The following VPS26C variants were observed in gnomAD, a reference collection of about 807,000 sequenced individuals.
VPS26C encodes the protein VPS26 endosomal protein sorting factor C.
VPS26C carries 19 observed loss-of-function variants against 30.6 expected under a neutral mutation model. The observed-to-expected ratio is 0.62, with a 90% CI of 0.43 to 0.91. The LOEUF (loss-of-function observed/expected upper bound fraction) is 0.91, where lower values mean the gene tolerates loss of function less well. VPS26C is among the 40% of genes least tolerant of loss of function. The pLI, the probability that VPS26C is intolerant of heterozygous loss-of-function variation, is 0.00. For missense variants in VPS26C, 318 were observed against 385.1 expected, an observed-to-expected ratio of 0.83 and a Z score of 1.46; for synonymous variants, 132 against 151.5, an observed-to-expected ratio of 0.87 and a Z score of 0.95.
chr21:37,244,396 C>T (rs1008628097), intron 1 of VPS26C, among the ~76,000 whole-genome samples: 2 of 152,216 alleles, frequency 1.3e-5, no homozygotes, highest in Non-Finnish European at 2.9e-5. Flanking sequence ...CACCACCACA[C>T]CCAGCTAATT....
At chr21:37,253,379 A>G (rs1397730844) in intron 1 of VPS26C, among the ~76,000 whole-genome samples, 1 of 152,228 alleles carries the variant, frequency 6.6e-6, no homozygotes. Context: ...ATGGTAAAAC[A>G]TAGCTGGTTC....
intron 1 of VPS26C, 52 bp downstream of exon 1, chr21:37,267,186 C>G (rs2086374679): frequency 7.0e-7 from 1 of 1,428,720 alleles, no homozygotes; most frequent in African/African-American, 1.4e-5. Context: ...GACAGCGGAA[C>G]CTGCAGACCC....
chr21:37,258,351 G>T (rs911395274), intron 1 of VPS26C, among the ~76,000 whole-genome samples: 1 of 133,280 alleles, frequency 7.5e-6, no homozygotes, highest in Admixed American at 7.3e-5. Flanking sequence ...CGACACAGCC[G>T]CAACCCCTCT....
intron 1 of VPS26C, among the ~76,000 whole-genome samples, chr21:37,260,053 A>C (rs1168551363): frequency 6.6e-6 from 1 of 152,230 alleles, no homozygotes; most frequent in Non-Finnish European, 1.5e-5. Context: ...ATGAGAATTA[A>C]GACCCAGAGA....
At chr21:37,247,588 A>G (rs2086150006) in intron 1 of VPS26C, among the ~76,000 whole-genome samples, 1 of 152,220 alleles carries the variant, frequency 6.6e-6, no homozygotes, top group South Asian at 2.1e-4. Context: ...CAGGAATGAC[A>G]GAATTAATGC....
intron 1 of VPS26C, among the ~76,000 whole-genome samples, chr21:37,253,935 G>A (rs1242484736): frequency 2.0e-5 from 3 of 152,110 alleles, no homozygotes; most frequent in East Asian, 3.9e-4. Context: ...CAAGCATTTC[G>A]GATAAGGACT....
In VPS26C at chr21:37,238,569, G is replaced by A. The variant is rs746453273; in HGVS notation, c.242C>T (p.Pro81Leu). The A allele has an allele frequency of 5.0e-6, 8 of 1,614,022 alleles. No homozygotes were observed. The African/African-American group carries it at 6.7e-5, about 13-fold the overall frequency. Residue 81 changes from proline (P) to leucine (L), a missense_variant, in exon 3 of 8, where the codon CCG becomes CTG. Physicochemically the swap from Pro to Leu is moderately conservative, Grantham distance 98 (BLOSUM62 -3). Coordinates refer to ENST00000309117, the MANE Select transcript of VPS26C (RefSeq NM_006052.2). ...TGTTTTGCCGCTGGGAAATTTCCCC[G>A]GCTTCACCATTTCTATGGTGCTGTT... ...IINSTIEMVK[P>L]GKFPSGKTEI...
At chr21:37,263,290 A>AT (rs2086324041) in intron 1 of VPS26C, among the ~76,000 whole-genome samples, 1 of 152,214 alleles carries the variant, frequency 6.6e-6, no homozygotes, top group African/African-American at 2.4e-5. Flanking sequence ...AGTAGAAGTC[A>AT]TATCAGTCTC....
chr21:37,243,725 C>G (rs977751475), intron 1 of VPS26C, among the ~76,000 whole-genome samples: 1 of 152,160 alleles, frequency 6.6e-6, no homozygotes, highest in African/African-American at 2.4e-5. Flanking sequence ...ACACCCCATC[C>G]GAGACTACAG....
rs148281641 is a variant in VPS26C, at chr21:37,228,280, T to G, written c.601A>C (p.Ser201Arg). The change falls in exon 6 of 8, where the codon AGC (serine) becomes CGC (arginine). Residue 201 changes from serine (S) to arginine (R), a missense_variant. Physicochemically the swap from Ser to Arg is moderately radical, Grantham distance 110. Coordinates refer to ENST00000309117, the MANE Select transcript of VPS26C (RefSeq NM_006052.2). ...QPLTGELVVE[S>R]SEAAIRSVEL... ...ACGCTTCTGATGGCGGCTTCCGAGC[T>G]CTCCACCACCAGCTCTCCCGTTAGT... 1 of 1,614,070 alleles carries G rather than the reference T, an allele frequency of 6.2e-7. No homozygotes were observed. Among genetic ancestry groups the G allele is most frequent in the Non-Finnish European group, 8.5e-7 (1 of 1,180,020 alleles).
intron 1 of VPS26C, among the ~76,000 whole-genome samples, chr21:37,253,256 G>A (rs368408192): frequency 6.6e-6 from 1 of 152,184 alleles, no homozygotes; most frequent in Non-Finnish European, 1.5e-5. Flanking sequence ...TTTTTGGCAT[G>A]CTTGCTGTAT....
intron 1 of VPS26C, among the ~76,000 whole-genome samples, chr21:37,265,250 A>T (rs141869282): frequency 5.0e-4 from 76 of 152,324 alleles, no homozygotes; most frequent in African/African-American, 1.6e-3. Context: ...AAACTACTGA[A>T]TTGTATACTT....
chr21:37,253,420 C>T (rs372181911), intron 1 of VPS26C, among the ~76,000 whole-genome samples: 8 of 152,010 alleles, frequency 5.3e-5, no homozygotes, highest in African/African-American at 1.7e-4. Flanking sequence ...TACACACAGG[C>T]GTCAATACTA....
intron 1 of VPS26C, among the ~76,000 whole-genome samples, chr21:37,266,208 G>C (rs975193826): frequency 2.8e-4 from 43 of 152,112 alleles, no homozygotes; most frequent in African/African-American, 9.2e-4. Context: ...GTGAGCCACC[G>C]CGCGGGCCAG....
At chr21:37,229,019 C>G (rs1274857082) in intron 5 of VPS26C, 1 of 88,136 alleles carries the variant, frequency 1.1e-5, no homozygotes, top group Non-Finnish European at 2.3e-5. Context: ...GATGCTGTCT[C>G]TTAAAAAAAA....
At chr21:37,228,597 T>G in intron 5 of VPS26C, 1 of 494,640 alleles carries the variant, frequency 2.0e-6, no homozygotes, top group Non-Finnish European at 3.6e-6. Context: ...TGACACTCTG[T>G]GTACAGAGAA....
chr21:37,231,125 C>T (rs2085958147), intron 5 of VPS26C, among the ~76,000 whole-genome samples: 1 of 152,198 alleles, frequency 6.6e-6, no homozygotes, highest in South Asian at 2.1e-4. Context: ...GCCTCTACAA[C>T]ACCACCACAC....
intron 1 of VPS26C, among the ~76,000 whole-genome samples, chr21:37,258,129 A>G (rs1174779796): frequency 1.3e-5 from 2 of 152,264 alleles, no homozygotes; most frequent in African/African-American, 4.8e-5. Context: ...TGCAGCCAGC[A>G]GAAACCCGTT....
At chr21:37,252,847 T>G (rs775845450) in intron 1 of VPS26C, among the ~76,000 whole-genome samples, 32 of 152,300 alleles carry the variant, frequency 2.1e-4, no homozygotes, top group Non-Finnish European at 2.4e-4. Flanking sequence ...CATAATCATA[T>G]TTATGCCAGT....
Sources: allele counts gnomAD v4.1 joint callset (sites outside exome capture counted in the v4.1 genomes callset), GRCh38; gene constraint gnomAD v4.1.1; transcripts MANE v1.5; gene names NCBI Gene and HGNC (gene_info 2026-07-23, HGNC 2026-07-21).